Variants in UBA6 observed in about 807,000 individuals in gnomAD.
UBA6 encodes the protein ubiquitin like modifier activating enzyme 6.
Under a neutral mutation model 148.3 loss-of-function variants are expected in UBA6, and 87 were observed. That is an observed-to-expected ratio of 0.59 (90% confidence interval 0.49 to 0.70). UBA6 has a LOEUF of 0.70. UBA6 is among the 30% of genes least tolerant of loss of function. UBA6 has a pLI of 0.00. For missense variants in UBA6, 1,186 were observed against 1,241.2 expected (o/e 0.96, Z 0.67); for synonymous variants, 376 against 401.0 (o/e 0.94, Z 0.75).
Position 67,626,352 on chromosome 4 carries a change from T to C in UBA6, c.2518+8A>G, listed in dbSNP as rs1728867451. ...GTTCAAAACATTTTTATAAAGATTT[T>C]CCCTTACTTTTGGTGGCTTCATTAG... On this transcript the variant is annotated splice_region_variant and intron_variant, in intron 28 of 32. Transcript: ENST00000322244. The C allele has an allele frequency of 6.4e-7, 1 of 1,569,918 alleles. No homozygotes were observed. The highest frequency in any genetic ancestry group is 1.7e-5 in the Admixed American group (1 of 59,518).
chr4:67,679,863 A>C (rs1302455862), intron 4 of UBA6, among the ~76,000 whole-genome samples: 1 of 152,176 alleles, frequency 6.6e-6, no homozygotes, highest in Non-Finnish European at 1.5e-5. Flanking sequence ...CTTTGTAAAC[A>C]GCGACAAAGA....
In UBA6 at chr4:67,668,693, T is replaced by C. The variant is rs776666747; in HGVS notation, c.670-19A>G. 6 of 1,598,832 alleles carry C rather than the reference T, an allele frequency of 3.8e-6. No individual in the cohort carries two copies. The East Asian group carries it at 1.3e-4, about 36-fold the overall frequency. On this transcript the variant is annotated intron_variant, in intron 8 of 32. Coordinates refer to ENST00000322244, the MANE Select transcript of UBA6 (RefSeq NM_018227.6). ...GATTTGCCTAAAAATAAGAGTAATC[T>C]ATTAAAAAAGAACTTCTTTTTTGTA...
intron 17 of UBA6, among the ~76,000 whole-genome samples, chr4:67,643,616 T>C (rs1281860368): frequency 2.0e-5 from 3 of 152,094 alleles, no homozygotes; most frequent in African/African-American, 7.2e-5. Context: ...TAAGTACCCA[T>C]GGCTTTCAAT....
chr4:67,621,713 G>A (rs565299295), intron 32 of UBA6, among the ~76,000 whole-genome samples: 4 of 152,320 alleles, frequency 2.6e-5, no homozygotes, highest in Non-Finnish European at 5.9e-5. Context: ...GCTGAGGCAG[G>A]AGAATCGCTT....
chr4:67,640,802 AAAGAT>A (rs1729286276), intron 18 of UBA6, among the ~76,000 whole-genome samples: 2 of 152,244 alleles, frequency 1.3e-5, no homozygotes, highest in Admixed American at 1.3e-4. Context: ...GATTTATGAC[AAAGAT>A]AAAAAAAGAC....
At chr4:67,680,145 A>G (rs1211754648) in intron 4 of UBA6, among the ~76,000 whole-genome samples, 1 of 152,232 alleles carries the variant, frequency 6.6e-6, no homozygotes, top group Non-Finnish European at 1.5e-5. Context: ...TGTACAATCC[A>G]TACTTTCGTG....
chr4:67,630,597 C>A, intron 25 of UBA6, 62 bp from the exon 26 acceptor site: 1 of 985,946 alleles, frequency 1.0e-6, no homozygotes, highest in South Asian at 1.6e-5. Flanking sequence ...ATATTTAACT[C>A]ATTATGAACT....
chr4:67,659,714 TA>T (rs1406851367), intron 13 of UBA6, among the ~76,000 whole-genome samples: 2 of 91,718 alleles, frequency 2.2e-5, no homozygotes, highest in African/African-American at 8.0e-5. Context: ...GGTGCTGAGA[TA>T]AAGATACCCA....
intron 2 of UBA6, among the ~76,000 whole-genome samples, chr4:67,694,210 C>A (rs1730770108): frequency 1.3e-5 from 1 of 74,398 alleles, no homozygotes. Flanking sequence ...AGCAAGACTC[C>A]ATCTCAAAAA....
At chr4:67,657,141 A>C (rs1729718756) in intron 13 of UBA6, among the ~76,000 whole-genome samples, 1 of 152,198 alleles carries the variant, frequency 6.6e-6, no homozygotes, top group Non-Finnish European at 1.5e-5. Flanking sequence ...CATCCCCATC[A>C]AGCTACCAAT....
intron 4 of UBA6, among the ~76,000 whole-genome samples, chr4:67,680,987 T>G (rs1384166609): frequency 6.6e-6 from 1 of 152,128 alleles, no homozygotes; most frequent in Non-Finnish European, 1.5e-5. Context: ...CAGTCTAGCC[T>G]CAAGATGACT....
chr4:67,630,350 G>T, intron 26 of UBA6, 116 bp downstream of exon 26: 1 of 742,022 alleles, frequency 1.3e-6, no homozygotes, highest in Non-Finnish European at 2.2e-6. Context: ...TAAAAATTCT[G>T]TATCAAAAAG....
chr4:67,695,517 T>C (rs1730812516), intron 2 of UBA6, among the ~76,000 whole-genome samples: 1 of 152,166 alleles, frequency 6.6e-6, no homozygotes, highest in East Asian at 1.9e-4. Context: ...TGTCATAGTT[T>C]CTTCAAATCA....
chr4:67,662,656 TTTCGCCATG>T (rs1729891870), intron 12 of UBA6: 2 of 172,628 alleles, frequency 1.2e-5, no homozygotes, highest in Non-Finnish European at 2.4e-5. Context: ...AGAGACAGGG[TTTCGCCATG>T]TTGGCCAGGC....
Position 67,663,133 on chromosome 4 carries a change from C to T in UBA6, c.1037+6G>A. On this transcript the variant is annotated splice_donor_region_variant and intron_variant, in intron 12 of 32. Transcript: ENST00000322244. ...AAAATACTTATTTTTAAACTTAAAA[C>T]ATTACCCAACATTTGGCTTGCGACT... 1.9e-6 allele frequency: 3 copies of T among 1,597,356 alleles called. No individual in the cohort carries two copies. Among genetic ancestry groups the T allele is most frequent in the Non-Finnish European group, 2.6e-6 (3 of 1,173,208 alleles).
intron 2 of UBA6, among the ~76,000 whole-genome samples, chr4:67,686,933 A>AACAGCAAG (rs71918316): frequency 0.19 from 22,654 of 117,254 alleles, 3,300 homozygotes; most frequent in Middle Eastern, 0.31. Flanking sequence ...AAGCCTGGGC[A>AACAGCAAG]ACAGCAAGAT....
intron 2 of UBA6, among the ~76,000 whole-genome samples, chr4:67,686,813 G>T (rs200183672): frequency 6.6e-6 from 1 of 151,500 alleles, no homozygotes; most frequent in East Asian, 2.0e-4. Flanking sequence ...AATTAGCCAG[G>T]TGTGGTGGCA....
chr4:67,621,223 T>C (rs1728743356), intron 32 of UBA6, among the ~76,000 whole-genome samples: 2 of 152,222 alleles, frequency 1.3e-5, no homozygotes, highest in Admixed American at 6.5e-5. Context: ...GGCAAATTAA[T>C]GCCTTAGCTA....
At chr4:67,624,274 T>G (rs778993201) in intron 29 of UBA6, 21 bp from the exon 30 acceptor site, 4 of 1,584,170 alleles carry the variant, frequency 2.5e-6, no homozygotes, top group Middle Eastern at 1.7e-4. Context: ...GAAGGTGATC[T>G]GATAATATAA....
Sources: allele counts gnomAD v4.1 joint callset (sites outside exome capture counted in the v4.1 genomes callset), GRCh38; gene constraint gnomAD v4.1.1; transcripts MANE v1.5; gene names NCBI Gene and HGNC (gene_info 2026-07-23, HGNC 2026-07-21).